TOMM70: variants seen among roughly 807,000 people sequenced by gnomAD.
TOMM70 encodes the protein translocase of outer mitochondrial membrane 70, also known as mitochondrial import receptor subunit TOM70.
A neutral mutation model predicts 73.6 loss-of-function variants in TOMM70; 13 were observed. The observed-to-expected ratio is 0.18, with a 90% CI of 0.11 to 0.28. The LOEUF is 0.28. TOMM70 is among the 10% of genes least tolerant of loss of function. The probability of loss-of-function intolerance (pLI) is 1.00; values close to 1 mark genes in which losing one functional copy is unlikely to be tolerated. For missense variants in TOMM70, 609 were observed against 747.5 expected (o/e 0.81, Z 2.16); for synonymous variants, 257 against 271.2 (o/e 0.95, Z 0.51).
At chr3:100,379,560 G>T (rs1175396816) in intron 5 of TOMM70, among the ~76,000 whole-genome samples, 3 of 152,136 alleles carry the variant, frequency 2.0e-5, no homozygotes, top group East Asian at 1.9e-4. Context: ...TCCAGGAGTT[G>T]GAGGCTGTAG....
At chr3:100,385,823 CT>C (rs1448197630) in intron 3 of TOMM70, among the ~76,000 whole-genome samples, 6 of 152,232 alleles carry the variant, frequency 3.9e-5, no homozygotes, top group African/African-American at 1.4e-4. Flanking sequence ...CATCTCAAAG[CT>C]ATGTTTATAC....
chr3:100,379,187 A>G lies in TOMM70; in HGVS notation c.885-1275T>C, dbSNP rs114847359. 5.5e-3 allele frequency among the ~76,000 whole-genome samples: 780 copies of G among 142,102 alleles called. 3 individuals are homozygous for G. The highest frequency in any genetic ancestry group is 9.3e-3 in the South Asian group (38 of 4,082). 93.2% of individuals were successfully genotyped at this position (142,102 alleles called of 152,430 possible). On this transcript the variant is annotated intron_variant, in intron 5 of 11. Transcript: ENST00000284320. ...TGATGACTTTTATGGAGATGCTTGT[A>G]GAAGTAATTTTTTTTAACTGAAATT...
At chr3:100,368,403 T>C (rs1444661937) in intron 10 of TOMM70, among the ~76,000 whole-genome samples, 1 of 152,188 alleles carries the variant, frequency 6.6e-6, no homozygotes, top group African/African-American at 2.4e-5. Context: ...CAATCTTGCA[T>C]CCCTTATTTT....
chr3:100,386,182 A>G (rs1437766670), intron 3 of TOMM70, 36 bp downstream of exon 3: 2 of 1,589,400 alleles, frequency 1.3e-6, no homozygotes, highest in African/African-American at 1.4e-5. Flanking sequence ...CAAAATATTA[A>G]GTAATTTTCA....
intron 6 of TOMM70, 82 bp from the exon 7 acceptor site, chr3:100,375,234 A>G: frequency 6.9e-7 from 1 of 1,439,832 alleles, no homozygotes; most frequent in African/African-American, 1.4e-5. Flanking sequence ...GCTTTTTTCT[A>G]TAATCCACAT....
intron 9 of TOMM70, among the ~76,000 whole-genome samples, chr3:100,369,854 T>C (rs1706489255): frequency 6.6e-6 from 1 of 152,232 alleles, no homozygotes; most frequent in South Asian, 2.1e-4. Context: ...AAGATGTATG[T>C]GTTAAATGTC....
chr3:100,378,236 C>G (rs1232962630), intron 5 of TOMM70, among the ~76,000 whole-genome samples: 2 of 151,110 alleles, frequency 1.3e-5, no homozygotes, highest in Non-Finnish European at 2.9e-5. Context: ...GAGCAAGACT[C>G]CATCTCAAAA....
At chr3:100,386,760 T>C (rs755378485) in intron 2 of TOMM70, 45 bp downstream of exon 2, 1 of 1,577,774 alleles carries the variant, frequency 6.3e-7, no homozygotes, top group African/African-American at 1.4e-5. Context: ...TTTAAGCAAA[T>C]AAAGAGAAAG....
chr3:100,393,834 T>A (rs1304172766), intron 1 of TOMM70, among the ~76,000 whole-genome samples: 1 of 152,046 alleles, frequency 6.6e-6, no homozygotes, highest in Non-Finnish European at 1.5e-5. Flanking sequence ...CTCATGAGAA[T>A]CCGCTCTGAA....
rs545035273 is a variant in TOMM70, at chr3:100,389,004, T to C, written c.325-2026A>G. On this transcript the variant is annotated intron_variant, in intron 1 of 11. Coordinates refer to ENST00000284320, the MANE Select transcript of TOMM70 (RefSeq NM_014820.5). Reference sequence around the variant, plus strand: ...ATCCAGAAGTTCCATCATTTGCCTATGTGGAGTTCTAAAAGGAAAGGCATA... The same window carrying C: ...ATCCAGAAGTTCCATCATTTGCCTACGTGGAGTTCTAAAAGGAAAGGCATA... 4.6e-5 allele frequency among the ~76,000 whole-genome samples: 7 copies of C among 151,300 alleles called. No homozygotes were observed. In the East Asian group the frequency reaches 1.4e-3, roughly 29 times the overall value.
At chr3:100,388,038 G>C (rs1323481379) in intron 1 of TOMM70, among the ~76,000 whole-genome samples, 2 of 152,184 alleles carry the variant, frequency 1.3e-5, no homozygotes, top group African/African-American at 4.8e-5. Context: ...TAAAACTGAT[G>C]TGGGAGGATG....
chr3:100,387,206 G>A (rs2148892974), intron 1 of TOMM70, among the ~76,000 whole-genome samples: 1 of 152,250 alleles, frequency 6.6e-6, no homozygotes, highest in Admixed American at 6.5e-5. Context: ...CAACACTTTG[G>A]GAGGCTGAGG....
chr3:100,379,602 T>C (rs984040069), intron 5 of TOMM70, among the ~76,000 whole-genome samples: 1 of 152,180 alleles, frequency 6.6e-6, no homozygotes, highest in Non-Finnish European at 1.5e-5. Flanking sequence ...TACTCCAGCC[T>C]GAGTGACCCC....
chr3:100,373,676 T>C, intron 7 of TOMM70, 31 bp from the exon 8 acceptor site: 1 of 1,145,386 alleles, frequency 8.7e-7, no homozygotes, highest in Non-Finnish European at 1.2e-6. Flanking sequence ...TAAATGTAAT[T>C]CAACTAGTCC....
intron 5 of TOMM70, 141 bp from the exon 6 acceptor site, chr3:100,378,053 T>A: frequency 3.2e-6 from 2 of 627,582 alleles, no homozygotes; most frequent in Non-Finnish European, 2.7e-6. Context: ...GAGACCAGCC[T>A]GGCCAACATG....
At chr3:100,386,431 A>G (rs1706693303) in intron 2 of TOMM70, 87 bp from the exon 3 acceptor site, 55 of 1,327,400 alleles carry the variant, frequency 4.1e-5, no homozygotes, top group Non-Finnish European at 5.4e-5. Context: ...TTGAGTATTA[A>G]AAGTCCTAGA....
chr3:100,395,569 A>C (rs1706817887), intron 1 of TOMM70, among the ~76,000 whole-genome samples: 1 of 151,778 alleles, frequency 6.6e-6, no homozygotes, highest in Non-Finnish European at 1.5e-5. Context: ...AGAGAAAGGA[A>C]AAAAGATTTC....
chr3:100,400,484 A>G, intron 1 of TOMM70, 142 bp downstream of exon 1: 1 of 886,804 alleles, frequency 1.1e-6, no homozygotes, highest in Non-Finnish European at 1.7e-6. Flanking sequence ...ACTGGCAGCC[A>G]GAAATGAGTC....
chr3:100,376,554 C>T (rs1706568587), intron 6 of TOMM70, among the ~76,000 whole-genome samples: 1 of 151,678 alleles, frequency 6.6e-6, no homozygotes, highest in African/African-American at 2.4e-5. Flanking sequence ...GCCACCACCC[C>T]AGCCAAGCAC....
Sources: allele counts gnomAD v4.1 joint callset (sites outside exome capture counted in the v4.1 genomes callset), GRCh38; gene constraint gnomAD v4.1.1; transcripts MANE v1.5; gene names NCBI Gene and HGNC (gene_info 2026-07-23, HGNC 2026-07-21).